SORCS3: variants seen among roughly 807,000 people sequenced by gnomAD.
The protein encoded by SORCS3 is sortilin related VPS10 domain containing receptor 3, also known as VPS10 domain-containing receptor SorCS3.
A neutral mutation model predicts 146.3 loss-of-function variants in SORCS3; 57 were observed. The ratio of observed to expected loss-of-function variants is 0.39; its 90% confidence interval spans 0.31 to 0.49. The LOEUF (loss-of-function observed/expected upper bound fraction) is 0.49. Among genes scored for constraint, SORCS3 ranks in the 20% least tolerant of loss-of-function variants. The pLI is 0.92. For synonymous variants in SORCS3, 653 were observed against 618.5 expected, an observed-to-expected ratio of 1.06 and a Z score of -0.83; for missense variants, 1,341 against 1,575.5, an observed-to-expected ratio of 0.85 and a Z score of 2.52.
At chr10:105,041,292 T>C (rs73340209) in intron 4 of SORCS3, among the ~76,000 whole-genome samples, 8,786 of 148,508 alleles carry the variant, frequency 0.059, 276 homozygotes, top group Middle Eastern at 0.092. Flanking sequence ...GAGGTCCTCT[T>C]CCCCACACTT....
chr10:104,746,432 G>T (rs2016912733), intron 1 of SORCS3, among the ~76,000 whole-genome samples: 1 of 152,218 alleles, frequency 6.6e-6, no homozygotes, highest in Non-Finnish European at 1.5e-5. Context: ...CACCGCACCA[G>T]CGATAAATGT....
chr10:104,793,316 A>T (rs2017515773), intron 1 of SORCS3, among the ~76,000 whole-genome samples: 1 of 152,244 alleles, frequency 6.6e-6, no homozygotes, highest in Non-Finnish European at 1.5e-5. Flanking sequence ...GGTCTGCTGG[A>T]TTAAAATACT....
At chr10:104,752,344 A>AT (rs1414035958) in intron 1 of SORCS3, among the ~76,000 whole-genome samples, 4 of 152,004 alleles carry the variant, frequency 2.6e-5, no homozygotes, top group African/African-American at 4.8e-5. Context: ...CTAAAGCATT[A>AT]TTTTTTTGTG....
chr10:104,837,752 A>T (rs947202210), intron 1 of SORCS3, among the ~76,000 whole-genome samples: 29 of 152,278 alleles, frequency 1.9e-4, no homozygotes, highest in Admixed American at 7.8e-4. Context: ...CATAAGAGGT[A>T]CTCGGTAAAT....
chr10:104,920,598 A>C (rs1164309771), intron 3 of SORCS3, among the ~76,000 whole-genome samples: 1 of 152,198 alleles, frequency 6.6e-6, no homozygotes, highest in Non-Finnish European at 1.5e-5. Flanking sequence ...TATTGCTATA[A>C]ATGGTAGATC....
chr10:104,930,887 AGAAATCTTTGCAAATACTTAGTGAGTGAC>A (rs1420118665), intron 3 of SORCS3, among the ~76,000 whole-genome samples: 5 of 152,216 alleles, frequency 3.3e-5, no homozygotes, highest in Admixed American at 3.3e-4. Flanking sequence ...GGATTAAATG[AGAAATCTTTGCAAATACTTAGTGAGTGAC>A]CAACCCGTGG....
intron 1 of SORCS3, among the ~76,000 whole-genome samples, chr10:104,753,963 C>T (rs542827526): frequency 6.6e-5 from 10 of 152,304 alleles, no homozygotes; most frequent in Admixed American, 2.0e-4. Context: ...ATCATAGTTA[C>T]ATCCTGTAAA....
chr10:104,849,858 A>G (rs542205141), intron 2 of SORCS3, among the ~76,000 whole-genome samples: 1 of 152,194 alleles, frequency 6.6e-6, no homozygotes, highest in Non-Finnish European at 1.5e-5. Context: ...TAGGCACATC[A>G]TGCCTGGAAA....
At chr10:104,674,768 G>A (rs1402745204) in intron 1 of SORCS3, among the ~76,000 whole-genome samples, 3 of 152,066 alleles carry the variant, frequency 2.0e-5, no homozygotes, top group African/African-American at 4.8e-5. Flanking sequence ...TCTCTTTTTT[G>A]TTAAGGGTTT....
chr10:104,892,069 T>C (rs1347053395), intron 2 of SORCS3, among the ~76,000 whole-genome samples: 7 of 152,246 alleles, frequency 4.6e-5, no homozygotes, highest in Admixed American at 4.6e-4. Flanking sequence ...AGATTCTCAT[T>C]TTAAGTTTTA....
chr10:104,895,338 G>T (rs2018787926), intron 2 of SORCS3, among the ~76,000 whole-genome samples: 1 of 152,174 alleles, frequency 6.6e-6, no homozygotes, highest in Non-Finnish European at 1.5e-5. Context: ...GCCCTCAGGT[G>T]CAAACTCGTG....
chr10:104,916,820 C>T (rs899814155), intron 3 of SORCS3, among the ~76,000 whole-genome samples: 6 of 152,252 alleles, frequency 3.9e-5, no homozygotes, highest in East Asian at 1.9e-4. Flanking sequence ...TGCATTCCCC[C>T]GTGGTTTTGC....
chr10:105,147,629 A>G lies in SORCS3; in HGVS notation c.1315A>G (p.Ile439Val), dbSNP rs1427134814. 1 of 1,611,728 alleles carries G rather than the reference A, an allele frequency of 6.2e-7. No homozygotes were observed. The highest frequency in any genetic ancestry group is 2.2e-5 in the East Asian group (1 of 44,796). ...CATCTTCTTTCAGGACATGCACATC[A>G]TCAGTACAGACGAGAACCAAGTATT... Reference protein sequence around the residue: ...KYSLPKDMHIISTDENQVFAA... With the variant: ...KYSLPKDMHIVSTDENQVFAA... The change falls in exon 9 of 27, where the codon ATC (isoleucine) becomes GTC (valine). Residue 439 changes from isoleucine (I) to valine (V), a missense_variant. Transcript: ENST00000369701.
At chr10:104,653,397 T>A (rs2015586606) in intron 1 of SORCS3, among the ~76,000 whole-genome samples, 1 of 152,204 alleles carries the variant, frequency 6.6e-6, no homozygotes. Flanking sequence ...TCTGTCATCT[T>A]GAGATTTCTA....
intron 4 of SORCS3, among the ~76,000 whole-genome samples, chr10:104,983,407 C>G (rs2054942984): frequency 6.6e-6 from 1 of 152,192 alleles, no homozygotes; most frequent in Non-Finnish European, 1.5e-5. Flanking sequence ...GAGGGAAAAT[C>G]ACATTTGCTG....
intron 1 of SORCS3, among the ~76,000 whole-genome samples, chr10:104,680,195 C>A (rs1380990154): frequency 6.6e-6 from 1 of 152,188 alleles, no homozygotes; most frequent in Non-Finnish European, 1.5e-5. Flanking sequence ...AACAGGGACC[C>A]CAAGGAGCTC....
In SORCS3 at chr10:105,061,325, C is replaced by T. The variant is rs184496382; in HGVS notation, c.1028+18197C>T. Among the ~76,000 whole-genome samples, 1,263 of 140,090 alleles carry T rather than the reference C, an allele frequency of 9.0e-3. 17 individuals are homozygous for T. The highest frequency in any genetic ancestry group is 0.031 in the African/African-American group (1,178 of 37,724). 91.9% of individuals were successfully genotyped at this position (140,090 alleles called of 152,430 possible). ...TTTTTTTTTTTTTGAGGTGGAGTCT[C>T]GCTCTGTCACCCAGGCTGGAGTGCA... On this transcript the variant is annotated intron_variant, in intron 5 of 26. Transcript: ENST00000369701.
chr10:104,864,767 A>T (rs950003845), intron 2 of SORCS3, among the ~76,000 whole-genome samples: 1 of 152,210 alleles, frequency 6.6e-6, no homozygotes, highest in East Asian at 1.9e-4. Flanking sequence ...GAGATACTGC[A>T]AGAGGACCCA....
chr10:104,969,340 T>TGCGCGC (rs1554863654), intron 3 of SORCS3, among the ~76,000 whole-genome samples: 135 of 112,422 alleles, frequency 1.2e-3, no homozygotes, highest in African/African-American at 3.7e-3. Flanking sequence ...TGTGTGTGTG[T>TGCGCGC]GCGCGCGCGC....
Sources: gnomAD v4.1 joint callset for allele counts (sites outside exome capture counted in the v4.1 genomes callset) on GRCh38, gnomAD v4.1.1 for gene constraint, MANE v1.5 for transcripts, NCBI Gene and HGNC (gene_info 2026-07-23, HGNC 2026-07-21) for gene names.